Variants in TENM3 observed in about 807,000 individuals in gnomAD.
TENM3 encodes teneurin-3.
A neutral mutation model predicts 255.1 loss-of-function variants in TENM3; 63 were observed. That is an observed-to-expected ratio of 0.25 (90% confidence interval 0.20 to 0.30). The LOEUF (loss-of-function observed/expected upper bound fraction) is 0.30, where lower values mean the gene tolerates loss of function less well. Ranked by LOEUF, TENM3 falls within the 10% of genes least tolerant of loss-of-function variation. The pLI is 1.00. For missense variants in TENM3, 2,929 were observed against 3,461.1 expected, an observed-to-expected ratio of 0.85 and a Z score of 3.86; for synonymous variants, 1,306 against 1,322.3, an observed-to-expected ratio of 0.99 and a Z score of 0.27.
intron 3 of TENM3, among the ~76,000 whole-genome samples, chr4:182,361,258 A>C (rs561988316): frequency 6.6e-6 from 1 of 151,970 alleles, no homozygotes; most frequent in Non-Finnish European, 1.5e-5. Flanking sequence ...CCTGAATCTG[A>C]ATGTTCCTGC....
At position 182,161,754 on chromosome 4, in the gene TENM3, TATAC is replaced by T. The variant is rs1751264494; in HGVS notation, c.-76+17004_-76+17007del. Among the ~76,000 whole-genome samples, 17 of 78,302 alleles carry T rather than the reference TATAC, an allele frequency of 2.2e-4. 7 individuals carry two copies. The highest frequency in any genetic ancestry group is 1.3e-3 in the Admixed American group (8 of 6,244). The allele number at this position is 78,302 out of a possible 152,430, so 51.4% of individuals were successfully genotyped here. A position where few individuals can be genotyped will look rare whatever the true frequency, so the allele number is the denominator to read the frequency against. On this transcript the variant is annotated intron_variant, in intron 1 of 2. Coordinates refer to the TENM3 transcript ENST00000512480. ...ATATACACAAATATATGTGTATATA[TATAC>T]ATATATATGTGTATATATATATACA...
At chr4:182,171,943 T>G (rs1367719251) in intron 1 of TENM3, among the ~76,000 whole-genome samples, 1 of 152,080 alleles carries the variant, frequency 6.6e-6, no homozygotes, top group African/African-American at 2.4e-5. Context: ...TATTGTACCT[T>G]ATTAGGAAAG....
intron 3 of TENM3, among the ~76,000 whole-genome samples, chr4:182,370,700 A>G (rs1766744065): frequency 6.6e-6 from 1 of 152,184 alleles, no homozygotes. Context: ...TTCTTGAGAT[A>G]CTACAGGCTC....
chr4:181,966,353 A>G, the TENM3 span, among the ~76,000 whole-genome samples: 1 of 152,176 alleles, frequency 6.6e-6, no homozygotes, highest in Admixed American at 6.5e-5. Flanking sequence ...GTAGGGAGCC[A>G]TATGGTGGAG....
At chr4:181,983,837 C>A in the TENM3 span, among the ~76,000 whole-genome samples, 1 of 151,988 alleles carries the variant, frequency 6.6e-6, no homozygotes, top group East Asian at 1.9e-4. Flanking sequence ...ATACTGAACT[C>A]GTCTCAAAAA....
chr4:182,373,113 T>A (rs531784707), intron 3 of TENM3, among the ~76,000 whole-genome samples: 1 of 152,326 alleles, frequency 6.6e-6, no homozygotes, highest in African/African-American at 2.4e-5. Flanking sequence ...TGTCACCTCT[T>A]TGACCTCCCG....
chr4:182,227,758 A>G (rs1343287220), intron 1 of TENM3, among the ~76,000 whole-genome samples: 1 of 151,816 alleles, frequency 6.6e-6, no homozygotes, highest in African/African-American at 2.4e-5. Context: ...CCAGCAGAAA[A>G]TTCCTTTTCA....
the TENM3 span, among the ~76,000 whole-genome samples, chr4:181,510,014 G>A: frequency 1.1e-4 from 17 of 152,210 alleles, no homozygotes; most frequent in African/African-American, 4.1e-4. Context: ...AAGCTTTATC[G>A]GTGTCAACAT....
At chr4:182,175,888 C>T (rs1347682810) in intron 1 of TENM3, among the ~76,000 whole-genome samples, 11 of 152,128 alleles carry the variant, frequency 7.2e-5, no homozygotes, top group Admixed American at 5.2e-4. Context: ...AGAGGCTTTT[C>T]GATACAATTG....
At chr4:182,610,614 T>C (rs1270981118) in intron 4 of TENM3, among the ~76,000 whole-genome samples, 2 of 152,082 alleles carry the variant, frequency 1.3e-5, no homozygotes, top group African/African-American at 2.4e-5. Flanking sequence ...GCTCAGGAGC[T>C]CCAGGCTGCA....
chr4:181,785,238 G>A, the TENM3 span, among the ~76,000 whole-genome samples: 2 of 152,154 alleles, frequency 1.3e-5, no homozygotes, highest in African/African-American at 2.4e-5. Context: ...ATAACATACA[G>A]ATTTGTTTAT....
the TENM3 span, among the ~76,000 whole-genome samples, chr4:181,534,299 T>G: frequency 6.6e-6 from 1 of 151,972 alleles, no homozygotes; most frequent in Non-Finnish European, 1.5e-5. Context: ...TTTTCTAAAT[T>G]GGTATAGAAC....
At chr4:182,541,590 A>G (rs1740885873) in intron 3 of TENM3, among the ~76,000 whole-genome samples, 1 of 152,316 alleles carries the variant, frequency 6.6e-6, no homozygotes. Context: ...GCATTATCTT[A>G]TGTAGTATAT....
the TENM3 span, among the ~76,000 whole-genome samples, chr4:182,132,264 G>C: frequency 6.6e-6 from 1 of 152,008 alleles, no homozygotes; most frequent in Non-Finnish European, 1.5e-5. Context: ...TGGATCACGA[G>C]GTCAGGAGTT....
intron 1 of TENM3, among the ~76,000 whole-genome samples, chr4:182,159,938 C>A (rs1222339840): frequency 6.6e-6 from 1 of 152,162 alleles, no homozygotes; most frequent in African/African-American, 2.4e-5. Context: ...CCTAGTGATG[C>A]CAGATAACAG....
chr4:181,985,707 C>G, the TENM3 span, among the ~76,000 whole-genome samples: 2 of 152,190 alleles, frequency 1.3e-5, no homozygotes, highest in African/African-American at 4.8e-5. Context: ...ATGAGCAATT[C>G]AAAGCAACAA....
intron 3 of TENM3, among the ~76,000 whole-genome samples, chr4:182,580,914 TAAG>T (rs1234106695): frequency 1.3e-5 from 2 of 152,246 alleles, no homozygotes; most frequent in South Asian, 4.1e-4. Flanking sequence ...GAAAATATTC[TAAG>T]AATACTAATT....
At chr4:181,553,260 A>AGTGTGTGTGTGTGTGT in the TENM3 span, among the ~76,000 whole-genome samples, 3 of 133,470 alleles carry the variant, frequency 2.2e-5, no homozygotes, top group African/African-American at 5.9e-5. Context: ...ATAGTCATTA[A>AGTGTGTGTGTGTGTGT]GTGTGTGTGT....
chr4:181,531,405 T>A, the TENM3 span, among the ~76,000 whole-genome samples: 2 of 152,218 alleles, frequency 1.3e-5, no homozygotes, highest in East Asian at 3.8e-4. Context: ...ATCAGGGGAC[T>A]TATGCATAAG....
Sources: allele counts gnomAD v4.1 joint callset (sites outside exome capture counted in the v4.1 genomes callset), GRCh38; gene constraint gnomAD v4.1.1; transcripts MANE v1.5; gene names NCBI Gene and HGNC (gene_info 2026-07-23, HGNC 2026-07-21).